The following DNAH8 variants were observed in gnomAD, a reference collection of about 807,000 sequenced individuals.
DNAH8 encodes the protein dynein axonemal heavy chain 8.
DNAH8 carries 382 observed loss-of-function variants against 562.1 expected under a neutral mutation model. The ratio of observed to expected loss-of-function variants is 0.68; its 90% CI spans 0.63 to 0.74. The LOEUF (loss-of-function observed/expected upper bound fraction) is 0.74. Among genes scored for constraint, DNAH8 ranks in the 30% least tolerant of loss-of-function variants. The pLI, the probability that DNAH8 is intolerant of heterozygous loss-of-function variation, is 0.00. For missense variants in DNAH8, 5,203 were observed against 5,620.4 expected, an observed-to-expected ratio of 0.93 and a Z score of 2.37; for synonymous variants, 1,881 against 1,919.4, an observed-to-expected ratio of 0.98 and a Z score of 0.52.
intron 33 of DNAH8, among the ~76,000 whole-genome samples, chr6:38,839,413 A>G (rs1774584797): frequency 6.7e-6 from 1 of 150,186 alleles, no homozygotes; most frequent in Non-Finnish European, 1.5e-5. Context: ...TGTTGCTAGT[A>G]CTGGAGTGTA....
intron 4 of DNAH8, among the ~76,000 whole-genome samples, chr6:38,731,071 T>C (rs1424068137): frequency 6.6e-6 from 1 of 152,192 alleles, no homozygotes; most frequent in Non-Finnish European, 1.5e-5. Context: ...AATATATGTC[T>C]TGTTTCTTCG....
At chr6:38,767,371 A>C (rs1767111606) in intron 11 of DNAH8, among the ~76,000 whole-genome samples, 1 of 152,078 alleles carries the variant, frequency 6.6e-6, no homozygotes, top group East Asian at 1.9e-4. Context: ...TGGGAGGCGT[A>C]GATTGCAGTG....
rs57113943 is a variant in DNAH8 at position 38,969,204 on chromosome 6, T to C, written c.12452-2388T>C. 9.6e-3 allele frequency among the ~76,000 whole-genome samples: 1,456 copies of C among 152,304 alleles called. 35 individuals carry two copies. The highest frequency in any genetic ancestry group is 0.033 in the African/African-American group (1,367 of 41,570). On this transcript the variant is annotated intron_variant, in intron 82 of 92. Coordinates refer to ENST00000327475, the MANE Select transcript of DNAH8 (RefSeq NM_001206927.2). The stretch of plus-strand genomic sequence containing the variant: ...GATGATTTGATAGTAGTGATAGTTA[T>C]GCAACTCTAAAAACATATTTTAAAA...
rs766324900 is a variant in DNAH8, at chr6:39,008,980, G to T, written c.13371+10G>T. 31 of 1,593,246 alleles carry T rather than the reference G, an allele frequency of 1.9e-5. No individual in the cohort carries two copies. In the Admixed American group the frequency reaches 2.2e-4, roughly 11 times the overall value. ...TTACATTCCTCATGAGGTAAGTCTTGCTGGTTTCCCACTGGCATACAGGGC... is the reference window on the plus strand; with the variant it reads ...TTACATTCCTCATGAGGTAAGTCTTTCTGGTTTCCCACTGGCATACAGGGC... On this transcript the variant is annotated intron_variant, in intron 89 of 92. Coordinates refer to ENST00000327475, the MANE Select transcript of DNAH8 (RefSeq NM_001206927.2).
At chr6:38,853,116 G>A in intron 40 of DNAH8, 70 bp from the exon 41 acceptor site, 4 of 1,169,314 alleles carry the variant, frequency 3.4e-6, no homozygotes, top group Admixed American at 2.2e-5. Flanking sequence ...GATTTATTAA[G>A]TGTGCATGGA....
chr6:38,880,528 T>C (rs1019850442), intron 53 of DNAH8, among the ~76,000 whole-genome samples: 2 of 152,118 alleles, frequency 1.3e-5, no homozygotes, highest in Non-Finnish European at 2.9e-5. Context: ...AAAGAACTAT[T>C]TGAAACATAT....
intron 41 of DNAH8, among the ~76,000 whole-genome samples, chr6:38,856,313 G>T (rs1776192060): frequency 6.6e-6 from 1 of 152,040 alleles, no homozygotes; most frequent in Admixed American, 6.5e-5. Flanking sequence ...ACATCCTCTG[G>T]TTTTCACCAC....
At position 38,938,876 on chromosome 6, in the gene DNAH8, T is replaced by C. The variant is rs151015092; in HGVS notation, c.11895T>C (p.Ser3965=). ...EYLTYEVFTY[S]VRGLYENHKF... is the part of the protein sequence containing the mutation. ...TGACATATGAAGTTTTTACATACTC[T>C]GTCAGAGGCCTATACGAAAACCACA... Residue 3965 remains serine (S), a synonymous_variant, in exon 79 of 93, where the codon TCT becomes TCC. Transcript: ENST00000327475. 439 of 1,613,424 alleles carry C rather than the reference T, an allele frequency of 2.7e-4. 1 individual carries two copies. The African/African-American group carries it at 5.2e-3, about 19-fold the overall frequency.
intron 1 of DNAH8, among the ~76,000 whole-genome samples, chr6:38,717,626 GA>G (rs1423325225): frequency 2.2e-5 from 3 of 137,912 alleles, no homozygotes; most frequent in South Asian, 2.2e-4. Context: ...ATGTACACAT[GA>G]TTTTTTTTTT....
chr6:38,839,964 G>T (rs940342252), intron 33 of DNAH8, among the ~76,000 whole-genome samples: 4 of 152,140 alleles, frequency 2.6e-5, no homozygotes, highest in African/African-American at 9.7e-5. Flanking sequence ...GTCCGGTGAA[G>T]AAGCACTTTT....
intron 35 of DNAH8, among the ~76,000 whole-genome samples, chr6:38,843,428 C>T (rs1775011308): frequency 6.6e-6 from 1 of 151,210 alleles, no homozygotes; most frequent in Non-Finnish European, 1.5e-5. Flanking sequence ...ATATATATTC[C>T]CAGATCTGTA....
At chr6:38,809,069 C>T (rs1771558694) in intron 24 of DNAH8, among the ~76,000 whole-genome samples, 1 of 151,268 alleles carries the variant, frequency 6.6e-6, no homozygotes, top group African/African-American at 2.4e-5. Flanking sequence ...TGCACATGTA[C>T]CCCAGAACTT....
chr6:38,896,578 A>AAAAC lies in DNAH8; in HGVS notation c.8940+381_8940+384dup, dbSNP rs376298695. On this transcript the variant is annotated intron_variant, in intron 60 of 92. Transcript: ENST00000327475. ...TGACAGAATGAGACCCTGTCTCAAA[A>AAAAC]AAACAAACAAACAAACAAACAAACA... 3.7e-3 allele frequency among the ~76,000 whole-genome samples: 565 copies of AAAAC among 151,348 alleles called. 6 individuals are homozygous for AAAAC. Among genetic ancestry groups the AAAAC allele is most frequent in the East Asian group, 5.1e-3 (26 of 5,146 alleles).
At chr6:38,887,956 C>T (rs1187766501) in intron 57 of DNAH8, among the ~76,000 whole-genome samples, 2 of 151,100 alleles carry the variant, frequency 1.3e-5, no homozygotes, top group African/African-American at 2.4e-5. Context: ...CCTGCCTCAG[C>T]CTCCCAATTA....
At chr6:38,743,304 A>G (rs959163210) in intron 8 of DNAH8, among the ~76,000 whole-genome samples, 9 of 152,168 alleles carry the variant, frequency 5.9e-5, no homozygotes, top group African/African-American at 1.9e-4. Context: ...TGCCTTGCCC[A>G]AAATGTTAAT....
chr6:38,830,634 CAAAAA>C (rs56761180), intron 30 of DNAH8, among the ~76,000 whole-genome samples: 5 of 90,448 alleles, frequency 5.5e-5, no homozygotes, highest in Admixed American at 1.3e-4. Context: ...GACTCTATCT[CAAAAA>C]AAAAAAAAAA....
At chr6:38,832,171 T>G in intron 30 of DNAH8, 151 bp from the exon 31 acceptor site, 1 of 595,776 alleles carries the variant, frequency 1.7e-6, no homozygotes, top group East Asian at 2.8e-5. Flanking sequence ...TGTAGGTTCA[T>G]TTGGGTTATT....
intron 87 of DNAH8, among the ~76,000 whole-genome samples, chr6:38,987,340 G>C (rs1352773039): frequency 6.6e-6 from 1 of 152,118 alleles, no homozygotes; most frequent in Non-Finnish European, 1.5e-5. Context: ...CCTGACATTT[G>C]GCATTTTGGG....
intron 9 of DNAH8, among the ~76,000 whole-genome samples, chr6:38,753,093 C>T (rs1326065625): frequency 1.3e-5 from 2 of 152,086 alleles, no homozygotes; most frequent in Non-Finnish European, 2.9e-5. Flanking sequence ...CCTTCCTCCC[C>T]ACCAAGAATT....
Sources: gnomAD v4.1 joint callset for allele counts (sites outside exome capture counted in the v4.1 genomes callset) on GRCh38, gnomAD v4.1.1 for gene constraint, MANE v1.5 for transcripts, NCBI Gene and HGNC (gene_info 2026-07-23, HGNC 2026-07-21) for gene names.